ATP11B: variants seen among roughly 807,000 people sequenced by gnomAD.
ATP11B encodes ATPase phospholipid transporting 11B (putative).
Under a neutral mutation model 157.8 loss-of-function variants are expected in ATP11B, and 81 were observed. The ratio of observed to expected loss-of-function variants is 0.51; its 90% CI spans 0.43 to 0.62. The LOEUF (loss-of-function observed/expected upper bound fraction) is 0.62, where lower values mean the gene tolerates loss of function less well. Ranked by LOEUF, ATP11B falls within the 20% of genes least tolerant of loss-of-function variation. The pLI, the probability that ATP11B is intolerant of heterozygous loss-of-function variation, is 0.00. For synonymous variants in ATP11B, 451 were observed against 469.4 expected, an observed-to-expected ratio of 0.96 and a Z score of 0.51; for missense variants, 1,165 against 1,402.2, an observed-to-expected ratio of 0.83 and a Z score of 2.70.
Position 182,887,693 on chromosome 3 carries a change from A to C in ATP11B, c.2823A>C (p.Gln941His), listed in dbSNP as rs1455176156. The C allele has an allele frequency of 6.2e-7, 1 of 1,611,190 alleles. No individual in the cohort carries two copies. The highest frequency in any genetic ancestry group is 8.5e-7 in the Non-Finnish European group (1 of 1,179,342). ...LEQHVDPHVL[Q>H]NKPTLYRDIS... is the part of the protein sequence containing the mutation. ...AGCATGTAGACCCTCATGTGTTACA[A>C]AATAAGCCCACCCTTTATCGGTAAG... is the stretch of plus-strand genomic sequence containing the variant. The change falls in exon 24 of 30, where the codon CAA (glutamine) becomes CAC (histidine). Residue 941 changes from glutamine (Q) to histidine (H), a missense_variant. By Grantham distance (24) the Gln-to-His change is conservative (BLOSUM62 0). Transcript: ENST00000323116.
At chr3:182,851,612 A>G (rs1325756968) in intron 10 of ATP11B, among the ~76,000 whole-genome samples, 1 of 152,228 alleles carries the variant, frequency 6.6e-6, no homozygotes, top group Non-Finnish European at 1.5e-5. Context: ...TAAGGTAAAG[A>G]TGCATATTCT....
chr3:182,814,756 C>T (rs1716873197), intron 1 of ATP11B, among the ~76,000 whole-genome samples: 4 of 152,198 alleles, frequency 2.6e-5, no homozygotes, highest in Admixed American at 6.5e-5. Context: ...TGCAGTGAGC[C>T]GTGAATACAC....
At chr3:182,880,284 G>A (rs1270885608) in intron 20 of ATP11B, among the ~76,000 whole-genome samples, 3 of 152,068 alleles carry the variant, frequency 2.0e-5, no homozygotes, top group Non-Finnish European at 2.9e-5. Context: ...TAAATTAAAC[G>A]TCTAAGTTTT....
At chr3:182,838,844 T>C (rs1225521631) in intron 7 of ATP11B, among the ~76,000 whole-genome samples, 1 of 151,766 alleles carries the variant, frequency 6.6e-6, no homozygotes, top group African/African-American at 2.4e-5. Context: ...ACATTTTATA[T>C]GTCCAAGTAG....
intron 1 of ATP11B, among the ~76,000 whole-genome samples, chr3:182,804,093 T>C (rs1036681712): frequency 1.3e-5 from 2 of 152,202 alleles, no homozygotes; most frequent in East Asian, 1.9e-4. Flanking sequence ...TAGCTTTGCA[T>C]TGAAGTTAAG....
intron 8 of ATP11B, among the ~76,000 whole-genome samples, chr3:182,842,561 A>T (rs1329679930): frequency 1.3e-5 from 2 of 151,748 alleles, no homozygotes; most frequent in Non-Finnish European, 2.9e-5. Context: ...AGCTTTCTTT[A>T]CTCCAGAGTA....
intron 19 of ATP11B, among the ~76,000 whole-genome samples, chr3:182,877,724 A>G (rs1347682948): frequency 6.6e-6 from 1 of 152,162 alleles, no homozygotes; most frequent in East Asian, 1.9e-4. Flanking sequence ...GGAAATAATT[A>G]TAAAGTATGG....
rs1464403879 is a variant in ATP11B, at chr3:182,896,735, C to T, written c.3018C>T (p.Phe1006=). 3 of 1,613,180 alleles carry T rather than the reference C, an allele frequency of 1.9e-6. No homozygotes were observed. Among genetic ancestry groups the T allele is most frequent in the Admixed American group, 1.7e-5 (1 of 60,014 alleles). The change falls in exon 26 of 30, where the codon TTC becomes TTT. Residue 1006 remains phenylalanine (F), a synonymous_variant. Transcript: ENST00000323116. ...ACTGGACATTTGGCACTTTGGTCTT[C>T]ACAGTCATGGTTATTACAGTCACAG... The part of the protein sequence containing the change: ...FGNWTFGTLV[F]TVMVITVTVK...
At chr3:182,900,787 T>C (rs1000061203) in intron 28 of ATP11B, among the ~76,000 whole-genome samples, 2 of 152,162 alleles carry the variant, frequency 1.3e-5, no homozygotes, top group Non-Finnish European at 2.9e-5. Flanking sequence ...GGCTCACACC[T>C]GTAATTCCAG....
At chr3:182,800,867 GCCCCCCACC>G (rs1286333290) in intron 1 of ATP11B, among the ~76,000 whole-genome samples, 3 of 95,120 alleles carry the variant, frequency 3.2e-5, no homozygotes, top group Admixed American at 2.5e-4. Flanking sequence ...TGCAACCTCC[GCCCCCCACC>G]CCCCCCAGCC....
rs764107761 is a variant in ATP11B at position 182,872,482 on chromosome 3, T to A, written c.1993T>A (p.Phe665Ile). The A allele has an allele frequency of 2.5e-6, 4 of 1,614,172 alleles. No homozygotes were observed. In the Admixed American group the frequency reaches 6.7e-5, roughly 27 times the overall value. ...GCGGGAAGAGAAATTGGCAGCTGTTTTCCAGTTCATAGAGAAAGACCTGAT... is the reference window on the plus strand; with the variant it reads ...GCGGGAAGAGAAATTGGCAGCTGTTATCCAGTTCATAGAGAAAGACCTGAT... Reference protein sequence around the residue: ...QQREEKLAAVFQFIEKDLILL... With the variant: ...QQREEKLAAVIQFIEKDLILL... Residue 665 changes from phenylalanine (F) to isoleucine (I), a missense_variant, in exon 18 of 30, where the codon TTC becomes ATC. Coordinates refer to ENST00000323116, the MANE Select transcript of ATP11B (RefSeq NM_014616.3).
chr3:182,907,452 T>G (rs1724447500), intron 28 of ATP11B, among the ~76,000 whole-genome samples: 1 of 152,244 alleles, frequency 6.6e-6, no homozygotes, highest in Non-Finnish European at 1.5e-5. Flanking sequence ...GATACAGTTT[T>G]AAATTAGATT....
At chr3:182,862,869 A>G (rs1720949106) in intron 12 of ATP11B, among the ~76,000 whole-genome samples, 1 of 151,662 alleles carries the variant, frequency 6.6e-6, no homozygotes, top group Non-Finnish European at 1.5e-5. Context: ...GAGATAATTA[A>G]ATGTGCTCAA....
chr3:182,873,832 A>C lies in ATP11B; in HGVS notation c.2069A>C (p.Glu690Ala). ...VEDRLQDKVR[E>A]TIEALRMAGI... The stretch of plus-strand genomic sequence containing the variant: ...TTCAGACTACAAGATAAAGTTCGAG[A>C]AACTATTGAAGCATTGAGAATGGCT... Residue 690 changes from glutamate to alanine, a missense_variant, in exon 19 of 30, where the codon GAA (glutamate) becomes GCA (alanine). Transcript: ENST00000323116. The C allele has an allele frequency of 1.2e-6, 2 of 1,614,112 alleles. No homozygotes were observed. The highest frequency in any genetic ancestry group is 1.7e-6 in the Non-Finnish European group (2 of 1,179,972).
intron 2 of ATP11B, among the ~76,000 whole-genome samples, chr3:182,826,547 T>A (rs757461305): frequency 1.3e-5 from 2 of 152,176 alleles, no homozygotes; most frequent in Admixed American, 6.5e-5. Context: ...ACATTGAACA[T>A]TGACTTCCTT....
rs533524307 is a variant in ATP11B, at chr3:182,820,792, TA to T, written c.144+418del. On this transcript the variant is annotated intron_variant, in intron 2 of 29. Coordinates refer to ENST00000323116, the MANE Select transcript of ATP11B (RefSeq NM_014616.3). ...CAAGAAAACGGTGGTCGATTTATCT[TA>T]ACCAAAATGGTTAACTGTAGAATAC... Among the ~76,000 whole-genome samples, 258 of 152,370 alleles carry T rather than the reference TA, an allele frequency of 1.7e-3. 1 individual carries two copies. Among genetic ancestry groups the T allele is most frequent in the African/African-American group, 6.1e-3 (254 of 41,588 alleles).
intron 12 of ATP11B, among the ~76,000 whole-genome samples, chr3:182,862,936 G>A (rs1720953637): frequency 6.6e-6 from 1 of 150,386 alleles, no homozygotes; most frequent in Admixed American, 6.6e-5. Context: ...TTATTTTTGA[G>A]ACAGAGTCTC....
At chr3:182,868,938 T>TAACC (rs1721441821) in intron 15 of ATP11B, 140 bp from the exon 16 acceptor site, 2 of 572,484 alleles carry the variant, frequency 3.5e-6, no homozygotes, top group African/African-American at 3.9e-5. Flanking sequence ...TAATGGCATG[T>TAACC]AACCTATCAT....
At chr3:182,836,268 C>T in intron 5 of ATP11B, 74 bp from the exon 6 acceptor site, 1 of 1,592,052 alleles carries the variant, frequency 6.3e-7, no homozygotes, top group Non-Finnish European at 8.6e-7. Flanking sequence ...TAGGCTGCTT[C>T]TTTAGAGCCC....
Sources: allele counts gnomAD v4.1 joint callset (sites outside exome capture counted in the v4.1 genomes callset), GRCh38; gene constraint gnomAD v4.1.1; transcripts MANE v1.5; gene names NCBI Gene and HGNC (gene_info 2026-07-23, HGNC 2026-07-21).